CERS3: variants seen among roughly 807,000 people sequenced by gnomAD.
CERS3 encodes the protein ceramide synthase 3.
CERS3 carries 33 observed loss-of-function variants against 50.3 expected under a neutral mutation model. That is an observed-to-expected ratio of 0.66 (90% CI 0.50 to 0.88). CERS3 has a LOEUF of 0.88. Ranked by LOEUF, CERS3 falls within the 40% of genes least tolerant of loss-of-function variation. The pLI, the probability that CERS3 is intolerant of heterozygous loss-of-function variation, is 0.00. For synonymous variants in CERS3, 176 were observed against 155.2 expected, an observed-to-expected ratio of 1.13 and a Z score of -0.99; for missense variants, 470 against 460.3, an observed-to-expected ratio of 1.02 and a Z score of -0.19.
intron 11 of CERS3, among the ~76,000 whole-genome samples, chr15:100,405,231 G>A (rs201965435): frequency 6.3e-5 from 3 of 47,742 alleles, no homozygotes; most frequent in African/African-American, 1.8e-4. Flanking sequence ...AAAACTCAAT[G>A]GTAAAAAAAA....
intron 5 of CERS3, among the ~76,000 whole-genome samples, chr15:100,483,286 ATGT>A (rs1177157276): frequency 6.6e-6 from 1 of 152,120 alleles, no homozygotes; most frequent in Non-Finnish European, 1.5e-5. Flanking sequence ...GCGACAATAG[ATGT>A]TGTGGTTTCG....
chr15:100,483,133 T>C (rs114449366), intron 5 of CERS3, among the ~76,000 whole-genome samples: 29 of 152,314 alleles, frequency 1.9e-4, no homozygotes, highest in Middle Eastern at 3.4e-3. Context: ...TTCTTCAAGG[T>C]CCAACCTATG....
chr15:100,425,246 G>A (rs566738801), intron 11 of CERS3, among the ~76,000 whole-genome samples: 15 of 152,190 alleles, frequency 9.9e-5, no homozygotes, highest in Non-Finnish European at 1.8e-4. Context: ...CGAGAAGAGG[G>A]CCACAGTCCC....
intron 11 of CERS3, chr15:100,408,512 G>A (rs1393922282): frequency 1.3e-5 from 2 of 152,090 alleles, no homozygotes; most frequent in Non-Finnish European, 2.9e-5. Context: ...GAATTATGTT[G>A]TTTTTTGAAA....
intron 11 of CERS3, among the ~76,000 whole-genome samples, chr15:100,436,500 T>C (rs1278649081): frequency 1.3e-5 from 2 of 151,936 alleles, no homozygotes; most frequent in Non-Finnish European, 2.9e-5. Context: ...AGGAAGAGCA[T>C]TAGGACAAAT....
At chr15:100,536,372 C>A (rs1010040130) in intron 1 of CERS3, among the ~76,000 whole-genome samples, 1 of 152,144 alleles carries the variant, frequency 6.6e-6, no homozygotes, top group African/African-American at 2.4e-5. Context: ...GCAACCTCAA[C>A]CTCCTGGGCT....
chr15:100,483,439 C>T (rs2035376395), intron 5 of CERS3, among the ~76,000 whole-genome samples: 1 of 152,192 alleles, frequency 6.6e-6, no homozygotes, highest in East Asian at 1.9e-4. Context: ...TGTACCTCTG[C>T]ATTGCCTGAC....
chr15:100,402,079 C>T lies in CERS3; in HGVS notation c.*634G>A, dbSNP rs954621190. ...GCCATGTTTAGCCAGGTTTCTGTCT[C>T]CCAAACAGTGCAAAGTGGGTTGGTT... On this transcript the variant is annotated 3_prime_UTR_variant, in exon 12 of 12. Transcript: ENST00000679737. The T allele has an allele frequency of 6.6e-6, 1 of 152,250 alleles. No homozygotes were observed. The highest frequency in any genetic ancestry group is 2.4e-5 in the African/African-American group (1 of 41,440). The allele number at this position is 152,250 out of a possible 1,614,324, so 9.4% of individuals were successfully genotyped here.
At chr15:100,512,123 G>A (rs894775405) in intron 2 of CERS3, among the ~76,000 whole-genome samples, 1 of 152,178 alleles carries the variant, frequency 6.6e-6, no homozygotes. Flanking sequence ...CTGGAGAGGA[G>A]CATCATGAGT....
chr15:100,537,722 T>A (rs1444831897), intron 1 of CERS3, among the ~76,000 whole-genome samples: 1 of 152,166 alleles, frequency 6.6e-6, no homozygotes. Context: ...CAAGATGAGA[T>A]TTGGGTGGGA....
chr15:100,525,030 C>T (rs1345223882), intron 1 of CERS3, among the ~76,000 whole-genome samples: 1 of 152,116 alleles, frequency 6.6e-6, no homozygotes, highest in Non-Finnish European at 1.5e-5. Context: ...TTTACCTCTC[C>T]AAATAACCTA....
At chr15:100,426,640 A>T (rs1192489065) in intron 11 of CERS3, among the ~76,000 whole-genome samples, 1 of 152,208 alleles carries the variant, frequency 6.6e-6, no homozygotes, top group Non-Finnish European at 1.5e-5. Context: ...TGAATGAATT[A>T]ATCTAATACC....
At chr15:100,428,583 A>T (rs1466651343) in intron 11 of CERS3, among the ~76,000 whole-genome samples, 2 of 152,162 alleles carry the variant, frequency 1.3e-5, no homozygotes, top group Non-Finnish European at 2.9e-5. Flanking sequence ...GACAGACAAA[A>T]ATGTCTCCAC....
chr15:100,471,079 C>T (rs1438728846), intron 9 of CERS3, among the ~76,000 whole-genome samples: 1 of 152,176 alleles, frequency 6.6e-6, no homozygotes, highest in Admixed American at 6.5e-5. Flanking sequence ...TTGTCTACCA[C>T]CAGCTGATGG....
chr15:100,518,421 A>AT (rs1162928884), intron 2 of CERS3, among the ~76,000 whole-genome samples: 2 of 152,170 alleles, frequency 1.3e-5, no homozygotes, highest in Non-Finnish European at 2.9e-5. Flanking sequence ...CATTTATTCA[A>AT]TTTTTTTGAT....
chr15:100,417,586 A>C (rs12905639), intron 11 of CERS3, among the ~76,000 whole-genome samples: 85,420 of 151,550 alleles, frequency 0.56, 24,497 homozygotes, highest in Non-Finnish European at 0.6. Flanking sequence ...ACCACAGCTC[A>C]AGGAGGCCTG....
At chr15:100,540,373 T>C (rs1474865892) in intron 1 of CERS3, among the ~76,000 whole-genome samples, 1 of 152,128 alleles carries the variant, frequency 6.6e-6, no homozygotes, top group East Asian at 1.9e-4. Flanking sequence ...CAAAACCCTG[T>C]CTCTACTGAA....
At chr15:100,530,344 A>G (rs766932623), upstream of CERS3, among the ~76,000 whole-genome samples, 14 of 152,198 alleles carry the variant, frequency 9.2e-5, no homozygotes, top group Non-Finnish European at 1.5e-4. Flanking sequence ...ACTCCTTGGC[A>G]CAATGGCCTG....
At chr15:100,484,701 A>G (rs1379997783) in intron 4 of CERS3, 33 bp from the exon 5 acceptor site, 2 of 1,469,426 alleles carry the variant, frequency 1.4e-6, no homozygotes, top group South Asian at 2.3e-5. Flanking sequence ...AATGAGTGAT[A>G]AAGAACAGAG....
Sources: gnomAD v4.1 joint callset for allele counts (sites outside exome capture counted in the v4.1 genomes callset) on GRCh38, gnomAD v4.1.1 for gene constraint, MANE v1.5 for transcripts, NCBI Gene and HGNC (gene_info 2026-07-23, HGNC 2026-07-21) for gene names.